DIAPH2: variants seen among roughly 807,000 people sequenced by gnomAD.
DIAPH2 encodes diaphanous related formin 2, also known as protein diaphanous homolog 2.
Under a neutral mutation model 92.7 loss-of-function variants are expected in DIAPH2, and 35 were observed. That is an observed-to-expected ratio of 0.38 (90% CI 0.29 to 0.50). The LOEUF (loss-of-function observed/expected upper bound fraction) is 0.50. Among genes scored for constraint, DIAPH2 ranks in the 20% least tolerant of loss-of-function variants. The probability of loss-of-function intolerance (pLI) is 0.94; values close to 1 mark genes in which losing one functional copy is unlikely to be tolerated. For missense variants in DIAPH2, 701 were observed against 819.5 expected (o/e 0.86, Z 1.77); for synonymous variants, 301 against 280.4 (o/e 1.07, Z -0.73).
intron 17 of DIAPH2, among the ~76,000 whole-genome samples, chrX:96,967,148 A>G (rs763850636): frequency 5.4e-5 from 6 of 111,284 alleles, no homozygotes; most frequent in African/African-American, 6.5e-5. Context: ...CCAGGTAGCA[A>G]TGAGCATAGT....
chrX:96,971,880 A>G (rs1285751669), intron 17 of DIAPH2, among the ~76,000 whole-genome samples: 1 of 111,835 alleles, frequency 8.9e-6, no homozygotes, highest in African/African-American at 3.3e-5. Flanking sequence ...TAATGATACT[A>G]AACTGCCATT....
intron 4 of DIAPH2, among the ~76,000 whole-genome samples, chrX:96,821,833 A>C (rs2064780019): frequency 9.0e-6 from 1 of 111,512 alleles, no homozygotes. Context: ...ACTGGATCTG[A>C]CTTTTAGCTC....
At chrX:97,159,818 A>G (rs2067353488) in intron 22 of DIAPH2, among the ~76,000 whole-genome samples, 1 of 112,136 alleles carries the variant, frequency 8.9e-6, no homozygotes, top group African/African-American at 3.2e-5. Context: ...AGAATAAAAT[A>G]AATTACCTAT....
intron 1 of DIAPH2, among the ~76,000 whole-genome samples, chrX:96,696,097 T>A (rs928996377): frequency 7.2e-5 from 8 of 111,633 alleles, no homozygotes; most frequent in African/African-American, 2.6e-4. Flanking sequence ...TTTAAAAAGG[T>A]TGGGCTGGGT....
At position 97,274,139 on chromosome X, in the gene DIAPH2, T is replaced by C. The variant is rs763029358; in HGVS notation, c.2844+26300T>C. 3.0e-3 allele frequency among the ~76,000 whole-genome samples: 253 copies of C among 84,995 alleles called. 2 individuals carry two copies. Among genetic ancestry groups the C allele is most frequent in the African/African-American group, 9.7e-3 (243 of 24,942 alleles). 73.8% of individuals were successfully genotyped at this position (84,995 alleles called of 115,157 possible). On this transcript the variant is annotated intron_variant, in intron 23 of 26. Coordinates refer to ENST00000324765, the MANE Select transcript of DIAPH2 (RefSeq NM_006729.5). ...TAAAAAGATACTAAACATACATCTT[T>C]GAGTTTATCAGTTCATCAGGAACAC...
chrX:97,496,705 G>A (rs1473355805), intron 26 of DIAPH2, among the ~76,000 whole-genome samples: 4 of 97,929 alleles, frequency 4.1e-5, no homozygotes, highest in African/African-American at 1.1e-4. Context: ...TGTCACCAAG[G>A]GGGGAGTGCC....
At chrX:96,834,534 A>G (rs1289721280) in intron 4 of DIAPH2, among the ~76,000 whole-genome samples, 2 of 112,280 alleles carry the variant, frequency 1.8e-5, no homozygotes, top group Non-Finnish European at 3.8e-5. Flanking sequence ...AGAAAATTCC[A>G]GATATGGTAA....
At chrX:97,383,746 A>T (rs1201666393) in intron 24 of DIAPH2, among the ~76,000 whole-genome samples, 163 bp from the exon 25 acceptor site, 2 of 110,470 alleles carry the variant, frequency 1.8e-5, no homozygotes, top group Non-Finnish European at 3.8e-5. Context: ...TATTTATATA[A>T]ATTTAAAACT....
chrX:96,745,154 G>A (rs887520187), intron 3 of DIAPH2, among the ~76,000 whole-genome samples: 2 of 109,572 alleles, frequency 1.8e-5, no homozygotes, highest in Admixed American at 9.8e-5. Flanking sequence ...TTACAGGCAC[G>A]CGCCACCATG....
intron 22 of DIAPH2, among the ~76,000 whole-genome samples, chrX:97,240,677 A>AT (rs1467894755): frequency 3.6e-5 from 4 of 110,213 alleles, no homozygotes; most frequent in Admixed American, 2.9e-4. Flanking sequence ...AAATGTCTGC[A>AT]TTTTTTTCCC....
At chrX:97,244,784 G>T (rs1017258095) in intron 22 of DIAPH2, among the ~76,000 whole-genome samples, 1 of 111,679 alleles carries the variant, frequency 9.0e-6, no homozygotes, top group Non-Finnish European at 1.9e-5. Flanking sequence ...TTTCCTCAGG[G>T]TGCATATAGC....
intron 20 of DIAPH2, among the ~76,000 whole-genome samples, chrX:97,100,650 G>A (rs1248291712): frequency 9.0e-6 from 1 of 111,692 alleles, no homozygotes; most frequent in African/African-American, 3.3e-5. Context: ...CTGGCTCCCT[G>A]AACATTTTCC....
intron 4 of DIAPH2, among the ~76,000 whole-genome samples, chrX:96,773,236 T>TCCCCCC (rs201670201): frequency 1.3e-4 from 12 of 91,456 alleles, no homozygotes; most frequent in Non-Finnish European, 1.7e-4. Context: ...GCTGAATTGT[T>TCCCCCC]TCCCCCCCCC....
chrX:97,125,330 G>A (rs776729350), intron 21 of DIAPH2, among the ~76,000 whole-genome samples: 196 of 107,967 alleles, frequency 1.8e-3, no homozygotes, highest in African/African-American at 6.2e-3. Context: ...AAAATTAGCC[G>A]GGCGTGGTGG....
intron 17 of DIAPH2, among the ~76,000 whole-genome samples, chrX:97,007,761 C>CCTTT (rs1291521889): frequency 1.2e-5 from 1 of 80,995 alleles, no homozygotes; most frequent in African/African-American, 4.9e-5. Flanking sequence ...TTCTTTTTTT[C>CCTTT]TTTTTTTTTT....
chrX:96,843,659 A>C (rs1396104800), intron 4 of DIAPH2, among the ~76,000 whole-genome samples: 1 of 111,384 alleles, frequency 9.0e-6, no homozygotes, highest in African/African-American at 3.3e-5. Context: ...AAAAAACTTT[A>C]AGCAGTGCAC....
chrX:97,393,608 T>C (rs2069679679), intron 25 of DIAPH2, among the ~76,000 whole-genome samples: 1 of 111,719 alleles, frequency 9.0e-6, no homozygotes, highest in Non-Finnish European at 1.9e-5. Flanking sequence ...TTGGCTATAT[T>C]GATATAGAGG....
chrX:97,383,317 TCATCGC>T (rs2069568478), intron 24 of DIAPH2, among the ~76,000 whole-genome samples: 1 of 111,032 alleles, frequency 9.0e-6, no homozygotes, highest in Admixed American at 9.7e-5. Context: ...AGGACCACCA[TCATCGC>T]CATCATAGAC....
chrX:96,808,191 T>C lies in DIAPH2; in HGVS notation c.447+49933T>C, dbSNP rs1281934523. 1.9e-5 allele frequency among the ~76,000 whole-genome samples: 2 copies of C among 106,874 alleles called. 1 individual carries two copies. Among genetic ancestry groups the C allele is most frequent in the Admixed American group, 2.0e-4 (2 of 9,870 alleles). 92.8% of individuals were successfully genotyped at this position (106,874 alleles called of 115,157 possible). On this transcript the variant is annotated intron_variant, in intron 4 of 26. Coordinates refer to ENST00000324765, the MANE Select transcript of DIAPH2 (RefSeq NM_006729.5). ...TCCTTCCCACTCTCTCTGAGCTCCATAATAGTGCTGATTTAACAAATACTC... is the reference window on the plus strand; with the variant it reads ...TCCTTCCCACTCTCTCTGAGCTCCACAATAGTGCTGATTTAACAAATACTC...
Sources: gnomAD v4.1 joint callset for allele counts (sites outside exome capture counted in the v4.1 genomes callset) on GRCh38, gnomAD v4.1.1 for gene constraint, MANE v1.5 for transcripts, NCBI Gene and HGNC (gene_info 2026-07-23, HGNC 2026-07-21) for gene names.